NUP155: variants seen among roughly 807,000 people sequenced by gnomAD.
NUP155 encodes the protein nuclear pore complex protein Nup155.
NUP155 carries 71 observed loss-of-function variants against 180.4 expected under a neutral mutation model. That is an observed-to-expected ratio of 0.39 (90% CI 0.33 to 0.48). The LOEUF is 0.48. Ranked by LOEUF, NUP155 falls within the 20% of genes least tolerant of loss-of-function variation. The pLI is 0.91. For synonymous variants in NUP155, 582 were observed against 559.5 expected (o/e 1.04, Z -0.57); for missense variants, 1,553 against 1,648.9 (o/e 0.94, Z 1.01).
chr5:37,306,620 A>G (rs149056895), intron 25 of NUP155, among the ~76,000 whole-genome samples: 9,506 of 151,760 alleles, frequency 0.063, 963 homozygotes, highest in African/African-American at 0.21. Context: ...GGTGTGCACC[A>G]CCACGCCTGG....
intron 23 of NUP155, 43 bp downstream of exon 23, chr5:37,310,509 A>T: frequency 6.7e-7 from 1 of 1,502,104 alleles, no homozygotes; most frequent in Non-Finnish European, 9.3e-7. Flanking sequence ...CATACATGAT[A>T]CCTCTTATAA....
chr5:37,317,905 T>C (rs1744003543), intron 21 of NUP155, 83 bp downstream of exon 21: 1 of 829,010 alleles, frequency 1.2e-6, no homozygotes, highest in African/African-American at 1.7e-5. Flanking sequence ...TACATCTTAC[T>C]AAGAAAGTCC....
chr5:37,338,609 G>A (rs909894854), intron 11 of NUP155, among the ~76,000 whole-genome samples: 1 of 151,948 alleles, frequency 6.6e-6, no homozygotes, highest in East Asian at 2.0e-4. Context: ...GTTTCACCGT[G>A]TTAGCCAGGA....
intron 12 of NUP155, among the ~76,000 whole-genome samples, chr5:37,334,092 C>T (rs1745156933): frequency 6.6e-6 from 1 of 151,584 alleles, no homozygotes; most frequent in Admixed American, 6.6e-5. Flanking sequence ...TGAGCCACCA[C>T]ACCTGGCCTC....
intron 32 of NUP155, among the ~76,000 whole-genome samples, chr5:37,298,300 C>T (rs1742694374): frequency 6.6e-6 from 1 of 150,716 alleles, no homozygotes; most frequent in African/African-American, 2.4e-5. Context: ...TTAAATAACA[C>T]AAAAGTAGTT....
chr5:37,342,698 AT>A (rs748155355), intron 9 of NUP155, 52 bp from the exon 10 acceptor site: 1 of 1,135,238 alleles, frequency 8.8e-7, no homozygotes, highest in East Asian at 2.4e-5. Context: ...CTGCTAAATT[AT>A]AAGAAATATT....
Position 37,330,152 on chromosome 5 carries a change from T to C in NUP155, c.1630-20A>G, listed in dbSNP as rs1407073230. The C allele has an allele frequency of 2.6e-6, 4 of 1,552,400 alleles. No homozygotes were observed. The highest frequency in any genetic ancestry group is 2.2e-5 in the East Asian group (1 of 44,448). On this transcript the variant is annotated intron_variant, in intron 14 of 34. Transcript: ENST00000231498. ...GTCTTCCTGTGTAAAAAGAGGAATA[T>C]TGGCCTTATATTAAATACAAATTTT... is the stretch of plus-strand genomic sequence containing the variant.
intron 4 of NUP155, among the ~76,000 whole-genome samples, chr5:37,356,839 G>A (rs995528571): frequency 5.3e-5 from 8 of 152,198 alleles, no homozygotes; most frequent in African/African-American, 9.6e-5. Flanking sequence ...AGGGCACGGC[G>A]GCTCACGCCT....
chr5:37,305,387 A>C (rs528659320), intron 25 of NUP155, among the ~76,000 whole-genome samples, 177 bp from the exon 26 acceptor site: 1 of 123,360 alleles, frequency 8.1e-6, no homozygotes, highest in South Asian at 2.2e-4. Context: ...TCTACAAAAA[A>C]TACAAAAAAA....
chr5:37,360,357 C>T (rs576064081), intron 3 of NUP155, among the ~76,000 whole-genome samples: 7 of 151,520 alleles, frequency 4.6e-5, no homozygotes, highest in East Asian at 2.0e-4. Flanking sequence ...TGGTGGCACA[C>T]GCTTGTATTC....
intron 18 of NUP155, among the ~76,000 whole-genome samples, chr5:37,326,260 A>C (rs1366280891): frequency 6.6e-6 from 1 of 152,250 alleles, no homozygotes; most frequent in Non-Finnish European, 1.5e-5. Flanking sequence ...ACTTTTAAGC[A>C]AATGAGATGA....
Position 37,331,835 on chromosome 5 carries a change from C to T in NUP155, c.1519-40G>A, listed in dbSNP as rs368395388. ...GAAAGAACATGAACAAGAGATTTAC[C>T]AAGATTGGCTGATAGCAACTGACTC... On this transcript the variant is annotated intron_variant, in intron 13 of 34. Coordinates refer to ENST00000231498, the MANE Select transcript of NUP155 (RefSeq NM_153485.3). 1.2e-4 allele frequency: 145 copies of T among 1,244,706 alleles called. No individual in the cohort carries two copies. The Middle Eastern group carries it at 1.5e-3, about 13-fold the overall frequency. 77.1% of individuals were successfully genotyped at this position (1,244,706 alleles called of 1,614,324 possible).
chr5:37,370,655 A>T, intron 1 of NUP155, 166 bp downstream of exon 1: 1 of 1,581,498 alleles, frequency 6.3e-7, no homozygotes, highest in South Asian at 1.1e-5. Context: ...AAAGTGAGGA[A>T]AGGAAAAAAC....
In NUP155 at chr5:37,328,348, A is replaced by G; in HGVS notation, c.1876+10T>C. ...AAATGAATCCAATCCAAAACAAAGAAAAGAGGTACCATGAGACGGTGTTCC... is the reference window on the plus strand; with the variant it reads ...AAATGAATCCAATCCAAAACAAAGAGAAGAGGTACCATGAGACGGTGTTCC... On this transcript the variant is annotated intron_variant, in intron 17 of 34. Coordinates refer to ENST00000231498, the MANE Select transcript of NUP155 (RefSeq NM_153485.3). The G allele has an allele frequency of 1.3e-6, 2 of 1,594,812 alleles. No homozygotes were observed. Among genetic ancestry groups the G allele is most frequent in the South Asian group, 2.2e-5 (2 of 90,516 alleles).
chr5:37,335,822 T>C (rs1052687308), intron 12 of NUP155, among the ~76,000 whole-genome samples: 8 of 152,036 alleles, frequency 5.3e-5, no homozygotes, highest in African/African-American at 1.4e-4. Flanking sequence ...AGTGGTGGCA[T>C]GTGCCTGTAG....
At chr5:37,360,742 T>C (rs1363800075) in intron 3 of NUP155, among the ~76,000 whole-genome samples, 2 of 138,826 alleles carry the variant, frequency 1.4e-5, no homozygotes, top group East Asian at 4.7e-4. Flanking sequence ...GCCGAGATCA[T>C]GCCACTGCAC....
chr5:37,346,500 C>T (rs1277873390), intron 9 of NUP155, among the ~76,000 whole-genome samples: 1 of 151,806 alleles, frequency 6.6e-6, no homozygotes, highest in African/African-American at 2.4e-5. Flanking sequence ...GGTGAAGCCC[C>T]ATCTCTACTG....
At chr5:37,350,295 T>A (rs768810836) in intron 6 of NUP155, 30 bp from the exon 7 acceptor site, 2 of 1,424,648 alleles carry the variant, frequency 1.4e-6, no homozygotes, top group East Asian at 2.3e-5. Flanking sequence ...AGACGACTTA[T>A]AAAAGTATGT....
intron 20 of NUP155, among the ~76,000 whole-genome samples, chr5:37,323,644 T>G (rs932181730): frequency 3.3e-5 from 5 of 149,272 alleles, no homozygotes; most frequent in African/African-American, 1.2e-4. Context: ...CATATATTCA[T>G]ATAATATATT....
Sources: allele counts gnomAD v4.1 joint callset (sites outside exome capture counted in the v4.1 genomes callset), GRCh38; gene constraint gnomAD v4.1.1; transcripts MANE v1.5; gene names NCBI Gene and HGNC (gene_info 2026-07-23, HGNC 2026-07-21).